GSTO2: variants seen among roughly 807,000 people sequenced by gnomAD.
GSTO2 encodes glutathione S-transferase omega-2.
Under a neutral mutation model 28.4 loss-of-function variants are expected in GSTO2, and 23 were observed. The observed-to-expected ratio is 0.81, with a 90% CI of 0.58 to 1.15. GSTO2 has a LOEUF of 1.15. GSTO2 is among the 50% of genes most tolerant of loss of function. The pLI, the probability that GSTO2 is intolerant of heterozygous loss-of-function variation, is 0.00. For missense variants in GSTO2, 298 were observed against 297.8 expected, an observed-to-expected ratio of 1.00 and a Z score of 0.00; for synonymous variants, 109 against 111.0, an observed-to-expected ratio of 0.98 and a Z score of 0.11.
chr10:104,277,294 CTT>C (rs552621333), intron 3 of GSTO2, among the ~76,000 whole-genome samples: 18 of 144,236 alleles, frequency 1.2e-4, no homozygotes, highest in Admixed American at 1.4e-4. Flanking sequence ...GGCTCTACTA[CTT>C]TTTTTTTTTT....
intron 5 of GSTO2, among the ~76,000 whole-genome samples, chr10:104,293,970 G>T (rs1003799378): frequency 2.0e-5 from 3 of 152,082 alleles, no homozygotes; most frequent in Non-Finnish European, 4.4e-5. Flanking sequence ...TTCCTCCTCT[G>T]CACAGCAAGG....
intron 5 of GSTO2, chr10:104,296,638 AGAAG>A (rs1357600884): frequency 9.2e-5 from 13 of 141,586 alleles, no homozygotes; most frequent in Middle Eastern, 3.6e-3. Flanking sequence ...AAAAAAAAAA[AGAAG>A]AAGAAGAACA....
Position 104,275,156 on chromosome 10 carries a change from GAGC to G in GSTO2, c.35-69_35-67del. The G allele has an allele frequency of 5.2e-6, 8 of 1,543,930 alleles. No individual in the cohort carries two copies. In the South Asian group the frequency reaches 8.7e-5, roughly 17 times the overall value. On this transcript the variant is annotated intron_variant, in intron 2 of 6. Transcript: ENST00000338595. Reference sequence around the variant, plus strand: ...CAGCCATCTTGGGATCTGGGCAAGTGAGCGAGCTCCTTCCTCACCGGGCTGACT... The same window carrying G: ...CAGCCATCTTGGGATCTGGGCAAGTGGAGCTCCTTCCTCACCGGGCTGACT...
At chr10:104,282,225 C>CA (rs71022727) in intron 5 of GSTO2, among the ~76,000 whole-genome samples, 3,416 of 88,786 alleles carry the variant, frequency 0.038, 175 homozygotes, top group African/African-American at 0.11. Context: ...GACTCTGTTT[C>CA]AAAAAAAAAA....
intron 6 of GSTO2, among the ~76,000 whole-genome samples, chr10:104,298,733 A>G (rs1156742592): frequency 6.6e-6 from 1 of 152,164 alleles, no homozygotes; most frequent in Non-Finnish European, 1.5e-5. Context: ...TATATCTCCT[A>G]AAGTAAAATC....
chr10:104,269,849 A>G (rs2011300791), intron 1 of GSTO2, among the ~76,000 whole-genome samples: 1 of 152,220 alleles, frequency 6.6e-6, no homozygotes, highest in East Asian at 1.9e-4. Flanking sequence ...ACATATAAGA[A>G]CACCCGAAAG....
chr10:104,275,281 GT>G lies in GSTO2; in HGVS notation c.92del (p.Phe31SerfsTer26), dbSNP rs1211691978. 6 of 1,613,968 alleles carry G rather than the reference GT, an allele frequency of 3.7e-6. No individual in the cohort carries two copies. In the African/African-American group the frequency reaches 5.3e-5, roughly 14 times the overall value. ...GGCTGATCCGCATCTACAGCATGAG[GT>G]TCTGCCCCTATTCTCACAGGACCCG... ...EGLIRIYSMRFCPYSHRTRLV... is the reference protein window; with the variant it reads ...EGLIRIYSMRXCPYSHRTRLV... On this transcript the variant is annotated frameshift_variant, in exon 3 of 7. Coordinates refer to ENST00000338595, the MANE Select transcript of GSTO2 (RefSeq NM_183239.2). LOFTEE classifies it high-confidence loss of function.
At chr10:104,276,599 G>A (rs2011645105) in intron 3 of GSTO2, among the ~76,000 whole-genome samples, 1 of 152,142 alleles carries the variant, frequency 6.6e-6, no homozygotes, top group Non-Finnish European at 1.5e-5. Context: ...ATGTCCCTTG[G>A]GAAGGAGGCC....
At chr10:104,273,366 C>G (rs1420247859) in intron 1 of GSTO2, among the ~76,000 whole-genome samples, 1 of 152,182 alleles carries the variant, frequency 6.6e-6, no homozygotes, top group Non-Finnish European at 1.5e-5. Flanking sequence ...TTCCCTGATT[C>G]TTATAAAATG....
Position 104,288,903 on chromosome 10 carries a change from G to C in GSTO2, c.469-8675G>C, listed in dbSNP as rs181668816. Among the ~76,000 whole-genome samples the C allele has an allele frequency of 1.1e-3, 168 of 152,166 alleles. 1 individual carries two copies. Among genetic ancestry groups the C allele is most frequent in the African/African-American group, 3.9e-3 (162 of 41,516 alleles). On this transcript the variant is annotated intron_variant, in intron 5 of 6. Transcript: ENST00000338595. The stretch of plus-strand genomic sequence containing the variant: ...GCATTTGAAAGTATTGTGCTATAAG[G>C]CTTTCCTTATATGTGCTATGATTTC...
At chr10:104,299,038 T>C in intron 6 of GSTO2, 90 bp from the exon 7 acceptor site, 1 of 1,209,862 alleles carries the variant, frequency 8.3e-7, no homozygotes, top group Non-Finnish European at 1.1e-6. Flanking sequence ...AAACTCATTC[T>C]TCATATCTTG....
intron 5 of GSTO2, among the ~76,000 whole-genome samples, chr10:104,288,090 C>T (rs933579262): frequency 5.3e-5 from 8 of 152,028 alleles, no homozygotes; most frequent in Non-Finnish European, 1.2e-4. Flanking sequence ...TGGGGTTTCA[C>T]TGTGTTAGCC....
At chr10:104,281,857 G>T (rs1232857966) in intron 5 of GSTO2, among the ~76,000 whole-genome samples, 1 of 152,170 alleles carries the variant, frequency 6.6e-6, no homozygotes, top group Non-Finnish European at 1.5e-5. Flanking sequence ...AAGAAGGCTG[G>T]TCTGTGGGGG....
chr10:104,274,083 T>G (rs2011522336), intron 1 of GSTO2, among the ~76,000 whole-genome samples: 1 of 152,232 alleles, frequency 6.6e-6, no homozygotes, highest in Non-Finnish European at 1.5e-5. Context: ...AGAAAAGCTG[T>G]GCAAGTCGCC....
intron 6 of GSTO2, 82 bp downstream of exon 6, chr10:104,297,766 A>G (rs2013113764): frequency 1.1e-6 from 1 of 912,126 alleles, no homozygotes; most frequent in Admixed American, 2.0e-5. Flanking sequence ...TGCCCCCTGT[A>G]GACATGTTTC....
At chr10:104,292,466 C>CT (rs879585556) in intron 5 of GSTO2, among the ~76,000 whole-genome samples, 6,237 of 142,930 alleles carry the variant, frequency 0.044, 410 homozygotes, top group African/African-American at 0.14. Flanking sequence ...CCACCAATAT[C>CT]TTTTTTTTTT....
intron 5 of GSTO2, among the ~76,000 whole-genome samples, chr10:104,284,544 ACTTGT>A (rs892929052): frequency 3.4e-4 from 51 of 152,112 alleles, no homozygotes; most frequent in African/African-American, 1.2e-3. Context: ...AAACTATGAC[ACTTGT>A]CTTGTCTTGC....
Position 104,279,476 on chromosome 10 carries a change from A to C in GSTO2, c.468+5A>C. 6.2e-7 allele frequency: 1 copy of C among 1,602,984 alleles called. No homozygotes were observed. The highest frequency in any genetic ancestry group is 8.5e-7 in the Non-Finnish European group (1 of 1,170,038). ...GAATTCAGCAACCTGGAAGAGGTACAAAAAGGGGTCCCTCTCCTGGTCAGC... is the reference window on the plus strand; with the variant it reads ...GAATTCAGCAACCTGGAAGAGGTACCAAAAGGGGTCCCTCTCCTGGTCAGC... On this transcript the variant is annotated splice_donor_5th_base_variant and intron_variant, in intron 5 of 6. Transcript: ENST00000338595.
chr10:104,293,429 GTTTA>G (rs1427926105), intron 5 of GSTO2, among the ~76,000 whole-genome samples: 3 of 151,890 alleles, frequency 2.0e-5, no homozygotes, highest in Non-Finnish European at 4.4e-5. Flanking sequence ...ATTTTGTTCT[GTTTA>G]TTTATTTATT....
Sources: gnomAD v4.1 joint callset for allele counts (sites outside exome capture counted in the v4.1 genomes callset) on GRCh38, gnomAD v4.1.1 for gene constraint, MANE v1.5 for transcripts, NCBI Gene and HGNC (gene_info 2026-07-23, HGNC 2026-07-21) for gene names.